MAST4: variants seen among roughly 807,000 people sequenced by gnomAD.
The protein encoded by MAST4 is microtubule associated serine/threonine kinase family member 4.
Under a neutral mutation model 162.7 loss-of-function variants are expected in MAST4, and 89 were observed. That is an observed-to-expected ratio of 0.55 (90% confidence interval 0.46 to 0.65). The LOEUF is 0.65. Among genes scored for constraint, MAST4 ranks in the 30% least tolerant of loss-of-function variants. MAST4 has a pLI of 0.00. For synonymous variants in MAST4, 1,479 were observed against 1,361.1 expected, an observed-to-expected ratio of 1.09 and a Z score of -1.91; for missense variants, 3,153 against 3,374.0, an observed-to-expected ratio of 0.93 and a Z score of 1.62.
At chr5:67,069,881 AGTGTGTGTGTGTGTGTGT>A (rs200867949) in intron 5 of MAST4, among the ~76,000 whole-genome samples, 4 of 142,666 alleles carry the variant, frequency 2.8e-5, no homozygotes, top group Admixed American at 2.1e-4. Flanking sequence ...TTTGAGAGAA[AGTGTGTGTGTGTGTGTGT>A]GTGTGTGTGT....
intron 1 of MAST4, among the ~76,000 whole-genome samples, chr5:66,728,061 GT>G (rs1452344154): frequency 6.6e-6 from 1 of 152,124 alleles, no homozygotes; most frequent in African/African-American, 2.4e-5. Context: ...GGGTTTGATT[GT>G]TTCATGAGGA....
chr5:66,963,956 A>G (rs1397281000), intron 4 of MAST4: 1 of 708,886 alleles, frequency 1.4e-6, no homozygotes, highest in Non-Finnish European at 2.6e-6. Flanking sequence ...TATTTAGCAT[A>G]TTTACTCATA....
At chr5:66,744,158 A>G (rs762143319) in intron 1 of MAST4, among the ~76,000 whole-genome samples, 1 of 152,062 alleles carries the variant, frequency 6.6e-6, no homozygotes, top group Non-Finnish European at 1.5e-5. Context: ...GTGCCCCTCC[A>G]TCCCCCAGAG....
intron 3 of MAST4, among the ~76,000 whole-genome samples, chr5:66,818,976 C>T (rs1029904320): frequency 1.4e-4 from 21 of 152,088 alleles, no homozygotes; most frequent in African/African-American, 4.3e-4. Flanking sequence ...ATCTGGAGCC[C>T]GTTTTGTGTT....
chr5:66,883,420 CTGTTTTTTTTT>C (rs1229894696), intron 3 of MAST4, among the ~76,000 whole-genome samples: 1 of 125,514 alleles, frequency 8.0e-6, no homozygotes, highest in Non-Finnish European at 1.6e-5. Context: ...TGTTCTGTCA[CTGTTTTTTTTT>C]TTTTTTTTTT....
In MAST4 at chr5:66,965,593, G is replaced by T. The variant is rs1321739191; in HGVS notation, c.674+65611G>T. On this transcript the variant is annotated intron_variant, in intron 4 of 28. Coordinates refer to ENST00000403625, the MANE Select transcript of MAST4 (RefSeq NM_001164664.2). ...GGGGAGGGATTGGTGGGGGCGGGGG[G>T]GGGGGCGGTGAAGGATAAAACCAGA... is the stretch of plus-strand genomic sequence containing the variant. Among the ~76,000 whole-genome samples the T allele has an allele frequency of 7.8e-5, 10 of 127,426 alleles. 1 individual carries two copies. Among genetic ancestry groups the T allele is most frequent in the Admixed American group, 3.2e-4 (4 of 12,672 alleles). 83.6% of individuals were successfully genotyped at this position (127,426 alleles called of 152,430 possible). A position where few individuals can be genotyped will look rare whatever the true frequency, so the allele number is the denominator to read the frequency against.
rs1356787492 is a variant in MAST4, at chr5:67,017,493, C to T, written c.675-36911C>T. Among the ~76,000 whole-genome samples the T allele has an allele frequency of 3.3e-5, 5 of 152,128 alleles. No homozygotes were observed. In the East Asian group the frequency reaches 9.6e-4, roughly 29 times the overall value. On this transcript the variant is annotated intron_variant, in intron 4 of 28. Coordinates refer to ENST00000403625, the MANE Select transcript of MAST4 (RefSeq NM_001164664.2). ...GACAAGTTTATTGAGATACAATTTA[C>T]ACATGGTAAAATCATCCTTTTTCAG...
intron 4 of MAST4, among the ~76,000 whole-genome samples, chr5:66,943,582 T>A (rs182150602): frequency 5.0e-4 from 76 of 152,294 alleles, no homozygotes; most frequent in African/African-American, 1.8e-3. Flanking sequence ...CAGGCTCATT[T>A]GTTTAATGGA....
intron 3 of MAST4, among the ~76,000 whole-genome samples, chr5:66,874,404 C>G (rs965853473): frequency 1.3e-5 from 2 of 152,162 alleles, no homozygotes; most frequent in Non-Finnish European, 2.9e-5. Flanking sequence ...GTTTTCAAAT[C>G]TGGCATTTCA....
chr5:67,150,202 A>G (rs1771621382), intron 24 of MAST4, among the ~76,000 whole-genome samples: 1 of 152,166 alleles, frequency 6.6e-6, no homozygotes, highest in Non-Finnish European at 1.5e-5. Context: ...GTATTTTCCC[A>G]CAAACTGGTT....
chr5:66,900,038 T>G (rs1580809949), intron 4 of MAST4, 56 bp downstream of exon 4: 3 of 1,233,258 alleles, frequency 2.4e-6, no homozygotes, highest in Non-Finnish European at 3.3e-6. Context: ...TAGTTTATAG[T>G]ATGATTCTTC....
At chr5:66,810,458 T>C (rs934472400) in intron 3 of MAST4, among the ~76,000 whole-genome samples, 7 of 152,184 alleles carry the variant, frequency 4.6e-5, no homozygotes, top group African/African-American at 1.4e-4. Context: ...GAAGTGTTCA[T>C]GGGCCAGATC....
intron 24 of MAST4, among the ~76,000 whole-genome samples, chr5:67,151,326 C>G (rs1771781125): frequency 6.9e-6 from 1 of 144,984 alleles, no homozygotes; most frequent in African/African-American, 2.8e-5. Context: ...TCCTCATGGA[C>G]AGCACCTTCT....
At chr5:67,105,304 C>A (rs562375971) in intron 10 of MAST4, among the ~76,000 whole-genome samples, 42 of 152,320 alleles carry the variant, frequency 2.8e-4, no homozygotes, top group African/African-American at 9.6e-4. Flanking sequence ...TATGCCTTTG[C>A]AAACATAATT....
intron 1 of MAST4, among the ~76,000 whole-genome samples, chr5:66,632,914 A>G (rs1161956877): frequency 6.6e-6 from 1 of 152,246 alleles, no homozygotes. Flanking sequence ...ATACACAAAT[A>G]CACATAATAT....
intron 1 of MAST4, among the ~76,000 whole-genome samples, chr5:66,708,193 C>T (rs555542553): frequency 1.1e-4 from 16 of 152,146 alleles, no homozygotes; most frequent in Non-Finnish European, 1.5e-4. Context: ...CTTTTATTTG[C>T]GGAAAGAGTG....
chr5:66,785,911 C>T (rs1451560089), intron 2 of MAST4, among the ~76,000 whole-genome samples: 1 of 152,138 alleles, frequency 6.6e-6, no homozygotes, highest in African/African-American at 2.4e-5. Context: ...CTCTGTCACC[C>T]AGGCTGGAGT....
chr5:66,636,053 G>A lies in MAST4; in HGVS notation c.363+39035G>A, dbSNP rs1253611668. On this transcript the variant is annotated intron_variant, in intron 1 of 28. Coordinates refer to ENST00000403625, the MANE Select transcript of MAST4 (RefSeq NM_001164664.2). ...GCTCACTGCAACCTCCGCCTCCTGG[G>A]TTCAAGCGATTCTTCTGCCTCAGCC... is the stretch of plus-strand genomic sequence containing the variant. 2.1e-5 allele frequency among the ~76,000 whole-genome samples: 3 copies of A among 143,398 alleles called. No homozygotes were observed. In the Admixed American group the frequency reaches 2.3e-4, roughly 11 times the overall value. The allele number at this position is 143,398 out of a possible 152,430, so 94.1% of individuals were successfully genotyped here.
At chr5:66,645,004 G>T (rs926656536) in intron 1 of MAST4, among the ~76,000 whole-genome samples, 2 of 151,986 alleles carry the variant, frequency 1.3e-5, no homozygotes, top group Non-Finnish European at 2.9e-5. Flanking sequence ...GCTTCTTGTG[G>T]GGTGGGGGCT....
Sources: gnomAD v4.1 joint callset for allele counts (sites outside exome capture counted in the v4.1 genomes callset) on GRCh38, gnomAD v4.1.1 for gene constraint, MANE v1.5 for transcripts, NCBI Gene and HGNC (gene_info 2026-07-23, HGNC 2026-07-21) for gene names.